Variants in LRP1B observed in about 807,000 individuals in gnomAD.
LRP1B encodes the protein LDL receptor related protein 1B, also known as low-density lipoprotein receptor-related protein 1B.
In LRP1B, 217 loss-of-function variants were observed where a neutral mutation model predicts 556.6. The ratio of observed to expected loss-of-function variants is 0.39; its 90% CI spans 0.35 to 0.44. The LOEUF is 0.44. LRP1B is among the 20% of genes least tolerant of loss of function. The pLI is 1.00. For missense variants in LRP1B, 5,053 were observed against 5,620.8 expected (o/e 0.90, Z 3.23); for synonymous variants, 2,047 against 1,865.8 (o/e 1.10, Z -2.50).
chr2:140,484,267 A>ATGT (rs1688373590), intron 59 of LRP1B, among the ~76,000 whole-genome samples: 1 of 152,192 alleles, frequency 6.6e-6, no homozygotes, highest in Non-Finnish European at 1.5e-5. Flanking sequence ...TTTTTACCTA[A>ATGT]ATTAATGTAT....
chr2:141,552,582 G>A lies in LRP1B; in HGVS notation c.206-72049C>T, dbSNP rs1417064528. On this transcript the variant is annotated intron_variant, in intron 2 of 90. Transcript: ENST00000389484. The stretch of plus-strand genomic sequence containing the variant: ...GTATCTGGTGCATATCCTTGCTTTA[G>A]CACTGCTAGTGATAGGAGGCTCACA... 3.3e-5 allele frequency among the ~76,000 whole-genome samples: 5 copies of A among 152,084 alleles called. No homozygotes were observed. The East Asian group carries it at 7.7e-4, about 23-fold the overall frequency.
intron 3 of LRP1B, among the ~76,000 whole-genome samples, chr2:141,339,269 G>T (rs1573827145): frequency 1.4e-5 from 2 of 145,376 alleles, no homozygotes; most frequent in South Asian, 2.2e-4. Context: ...GCTTCTTTAT[G>T]TTTGTCATCT....
intron 87 of LRP1B, among the ~76,000 whole-genome samples, chr2:140,246,201 T>G (rs540498319): frequency 6.6e-6 from 1 of 151,434 alleles, no homozygotes; most frequent in South Asian, 2.1e-4. Flanking sequence ...ACACTATGCT[T>G]TTTGCTTGTT....
At chr2:140,529,530 A>C (rs1574045339) in intron 47 of LRP1B, among the ~76,000 whole-genome samples, 1 of 151,894 alleles carries the variant, frequency 6.6e-6, no homozygotes, top group Non-Finnish European at 1.5e-5. Context: ...CTTAGGTTCT[A>C]AGGGTGCACA....
At chr2:140,827,648 A>T (rs58742733) in intron 31 of LRP1B, among the ~76,000 whole-genome samples, 3 of 152,116 alleles carry the variant, frequency 2.0e-5, no homozygotes, top group Admixed American at 2.0e-4. Context: ...TGTAAATCTA[A>T]GAGTTATTAG....
chr2:140,329,498 G>A (rs779721348), intron 79 of LRP1B, among the ~76,000 whole-genome samples: 5 of 151,844 alleles, frequency 3.3e-5, no homozygotes, highest in South Asian at 2.1e-4. Context: ...AGAAAACCCC[G>A]TCTTCTCAGC....
intron 20 of LRP1B, among the ~76,000 whole-genome samples, chr2:140,945,765 A>G (rs1314378911): frequency 6.6e-6 from 1 of 152,170 alleles, no homozygotes; most frequent in East Asian, 1.9e-4. Context: ...ATCCTAGAAG[A>G]AAACCTAGGA....
rs111440449 is a variant in LRP1B, at chr2:141,680,968, A to G, written c.205+129311T>C. 1.7e-3 allele frequency among the ~76,000 whole-genome samples: 256 copies of G among 152,244 alleles called. 1 individual carries two copies. Among genetic ancestry groups the G allele is most frequent in the African/African-American group, 5.9e-3 (244 of 41,566 alleles). On this transcript the variant is annotated intron_variant, in intron 2 of 90. Coordinates refer to ENST00000389484, the MANE Select transcript of LRP1B (RefSeq NM_018557.3). ...GTTGCATTTTGCCACAAACTCAGTT[A>G]TCTAAGACAAATAGAAACTTTCATA...
chr2:141,521,568 A>T (rs1258837287), intron 2 of LRP1B, among the ~76,000 whole-genome samples: 1 of 151,788 alleles, frequency 6.6e-6, no homozygotes, highest in Non-Finnish European at 1.5e-5. Flanking sequence ...CCAGTTGCAT[A>T]ATTTAGATTT....
intron 7 of LRP1B, among the ~76,000 whole-genome samples, chr2:141,170,195 T>C (rs960032892): frequency 2.0e-5 from 3 of 152,124 alleles, no homozygotes; most frequent in African/African-American, 7.2e-5. Context: ...AAATGAAAAC[T>C]GAAGAAGCAT....
intron 3 of LRP1B, among the ~76,000 whole-genome samples, chr2:141,353,265 T>C (rs1688509954): frequency 1.3e-5 from 2 of 151,966 alleles, no homozygotes; most frequent in South Asian, 2.1e-4. Context: ...ATTGTCTTAC[T>C]CTTGTCATTC....
At chr2:141,473,901 A>C (rs1682580154) in intron 3 of LRP1B, among the ~76,000 whole-genome samples, 1 of 151,812 alleles carries the variant, frequency 6.6e-6, no homozygotes. Context: ...TATTTTAATG[A>C]AATTTTTAAA....
chr2:140,455,216 A>C (rs1166973553), intron 62 of LRP1B, among the ~76,000 whole-genome samples: 1 of 152,164 alleles, frequency 6.6e-6, no homozygotes, highest in Non-Finnish European at 1.5e-5. Flanking sequence ...TTTTTATTAC[A>C]CAAATACTCA....
At chr2:141,903,666 G>A (rs977875206) in intron 1 of LRP1B, among the ~76,000 whole-genome samples, 4 of 151,876 alleles carry the variant, frequency 2.6e-5, no homozygotes, top group African/African-American at 9.7e-5. Flanking sequence ...TTTTCTACAT[G>A]CTAGGCAGTA....
chr2:141,331,540 C>CCTTCTTTCTTTCTTTCTTTCT (rs1687656345), intron 3 of LRP1B, among the ~76,000 whole-genome samples: 3 of 33,372 alleles, frequency 9.0e-5, no homozygotes, highest in African/African-American at 6.1e-4. Context: ...TTCTTTCTTT[C>CCTTCTTTCTTTCTTTCTTTCT]TTTCTTTCTT....
chr2:141,289,395 A>AAAAAAAAAAAAAAAAAAAAC (rs1685854851), intron 3 of LRP1B, among the ~76,000 whole-genome samples: 1 of 151,056 alleles, frequency 6.6e-6, no homozygotes, highest in Non-Finnish European at 1.5e-5. Flanking sequence ...AAAAAAAAAA[A>AAAAAAAAAAAAAAAAAAAAC]AAAAAAAAAA....
intron 2 of LRP1B, among the ~76,000 whole-genome samples, chr2:141,498,079 G>T (rs1220140361): frequency 2.6e-5 from 4 of 151,864 alleles, no homozygotes; most frequent in African/African-American, 9.7e-5. Flanking sequence ...AGTATCTCAG[G>T]AGCAAATGTA....
intron 41 of LRP1B, among the ~76,000 whole-genome samples, chr2:140,663,451 A>G (rs969353450): frequency 6.6e-6 from 1 of 152,196 alleles, no homozygotes; most frequent in African/African-American, 2.4e-5. Flanking sequence ...CAGCTTCTAC[A>G]TCAGTACTTG....
chr2:141,505,685 A>G (rs537598574), intron 2 of LRP1B, among the ~76,000 whole-genome samples: 20 of 152,162 alleles, frequency 1.3e-4, no homozygotes, highest in Admixed American at 1.3e-4. Context: ...AATGGACAAA[A>G]TATTCTAATC....
Sources: allele counts gnomAD v4.1 joint callset (sites outside exome capture counted in the v4.1 genomes callset), GRCh38; gene constraint gnomAD v4.1.1; transcripts MANE v1.5; gene names NCBI Gene and HGNC (gene_info 2026-07-23, HGNC 2026-07-21).